AGAP1: variants seen among roughly 807,000 people sequenced by gnomAD.
The protein encoded by AGAP1 is arf-GAP with GTPase, ANK repeat and PH domain-containing protein 1.
In AGAP1, 29 loss-of-function variants were observed where a neutral mutation model predicts 105.3. The observed-to-expected ratio is 0.28, with a 90% confidence interval of 0.21 to 0.38. The LOEUF (loss-of-function observed/expected upper bound fraction) is 0.38, where lower values mean the gene tolerates loss of function less well. AGAP1 is among the 10% of genes least tolerant of loss of function. AGAP1 has a pLI of 1.00. For missense variants in AGAP1, 998 were observed against 1,165.1 expected, an observed-to-expected ratio of 0.86 and a Z score of 2.09; for synonymous variants, 509 against 485.9, an observed-to-expected ratio of 1.05 and a Z score of -0.63.
intron 1 of AGAP1, among the ~76,000 whole-genome samples, chr2:235,590,513 C>T (rs977238716): frequency 8.6e-5 from 13 of 152,010 alleles, no homozygotes; most frequent in African/African-American, 3.1e-4. Context: ...CGTGACCATG[C>T]CCAGAGACAG....
intron 1 of AGAP1, among the ~76,000 whole-genome samples, chr2:235,638,814 G>GC (rs1312254798): frequency 3.3e-5 from 5 of 152,230 alleles, no homozygotes; most frequent in Admixed American, 3.3e-4. Context: ...GCTGGCGTGG[G>GC]CCTCAGGGGT....
rs1487262949 is a variant in AGAP1 at position 235,906,405 on chromosome 2, A to G, written c.1156-2333A>G. On this transcript the variant is annotated intron_variant, in intron 10 of 17. Transcript: ENST00000304032. This position sits in a 1 kb window ranked among gnomAD's most constrained non-coding sequence, Gnocchi z 5.3. ...CTGGTGTTTTGAGCTTTCTGTCTGC[A>G]CCAAGACTTCCGTCCTCAGGGGTCA... is the stretch of plus-strand genomic sequence containing the variant. 1.3e-5 allele frequency among the ~76,000 whole-genome samples: 2 copies of G among 152,102 alleles called. No individual in the cohort carries two copies. The highest frequency in any genetic ancestry group is 2.9e-5 in the Non-Finnish European group (2 of 68,022).
chr2:236,107,287 G>A (rs1167890180), intron 16 of AGAP1, among the ~76,000 whole-genome samples: 3 of 152,170 alleles, frequency 2.0e-5, no homozygotes, highest in Non-Finnish European at 2.9e-5. Context: ...CCTCTGTGCT[G>A]GGTGCTTCCT....
Position 236,040,798 on chromosome 2 carries a change from G to C in AGAP1, c.1848G>C (p.Arg616=). 1 of 1,614,078 alleles carries C rather than the reference G, an allele frequency of 6.2e-7. No individual in the cohort carries two copies. The highest frequency in any genetic ancestry group is 8.5e-7 in the Non-Finnish European group (1 of 1,180,032). ...QSEAMALQSI[R]NMRGNSHCVD... ...AGGCCATGGCCCTGCAGTCGATCCG[G>C]AACATGCGCGGGAACTCCCACTGTG... is the stretch of plus-strand genomic sequence containing the variant. The change falls in exon 15 of 18, where the codon CGG becomes CGC. Residue 616 remains arginine, a synonymous_variant. Transcript: ENST00000304032. The surrounding 1 kb of genome is among the most constrained non-coding windows in gnomAD (Gnocchi z 5.6).
chr2:235,683,492 TTAA>T (rs1277875992), intron 1 of AGAP1, among the ~76,000 whole-genome samples: 2 of 150,226 alleles, frequency 1.3e-5, no homozygotes, highest in African/African-American at 4.9e-5. Context: ...ATATTTAATA[TTAA>T]TAAATTATAC....
chr2:236,013,675 T>C (rs552908080), intron 13 of AGAP1, among the ~76,000 whole-genome samples: 1 of 152,300 alleles, frequency 6.6e-6, no homozygotes, highest in Admixed American at 6.5e-5. Flanking sequence ...TCTTCCTGCC[T>C]GTGGCAGTTG....
rs926811999 is a variant in AGAP1, at chr2:236,092,241, C to T, written c.2115-27951C>T. Among the ~76,000 whole-genome samples, 4 of 152,140 alleles carry T rather than the reference C, an allele frequency of 2.6e-5. No homozygotes were observed. The highest frequency in any genetic ancestry group is 2.9e-5 in the Non-Finnish European group (2 of 68,030). ...TCCATGGACACATAAATACAAATGA[C>T]CACAAGGAAAATCGGAAATGTGGAC... is the stretch of plus-strand genomic sequence containing the variant. On this transcript the variant is annotated intron_variant, in intron 16 of 17. Coordinates refer to ENST00000304032, the MANE Select transcript of AGAP1 (RefSeq NM_001037131.3). This position sits in a 1 kb window ranked among gnomAD's most constrained non-coding sequence, Gnocchi z 4.7.
chr2:236,059,387 C>G (rs1275930769), intron 16 of AGAP1, among the ~76,000 whole-genome samples: 1 of 152,176 alleles, frequency 6.6e-6, no homozygotes, highest in Admixed American at 6.5e-5. Context: ...CAGTACTCTT[C>G]AAATCGATGT....
At chr2:235,694,637 G>C (rs1559360932) in intron 1 of AGAP1, among the ~76,000 whole-genome samples, 2 of 151,608 alleles carry the variant, frequency 1.3e-5, no homozygotes, top group Non-Finnish European at 2.9e-5. Flanking sequence ...AATAGAACGA[G>C]ACTCCGCCTC....
chr2:235,626,287 G>A (rs759105769), intron 1 of AGAP1, among the ~76,000 whole-genome samples: 2 of 152,188 alleles, frequency 1.3e-5, no homozygotes, highest in African/African-American at 2.4e-5. Flanking sequence ...GAACCCGAGA[G>A]GCAGAGGTTG....
chr2:236,090,856 C>A lies in AGAP1; in HGVS notation c.2115-29336C>A, dbSNP rs1369908750. Among the ~76,000 whole-genome samples the A allele has an allele frequency of 6.6e-6, 1 of 152,236 alleles. No homozygotes were observed. Among genetic ancestry groups the A allele is most frequent in the Non-Finnish European group, 1.5e-5 (1 of 68,048 alleles). On this transcript the variant is annotated intron_variant, in intron 16 of 17. Transcript: ENST00000304032. The surrounding 1 kb of genome is among the most constrained non-coding windows in gnomAD (Gnocchi z 4.3). ...CCAGGTTCAAGCGATTCTCATGCCTCAGCCTCCTGAGTAGCTGGGATTACA... is the reference window on the plus strand; with the variant it reads ...CCAGGTTCAAGCGATTCTCATGCCTAAGCCTCCTGAGTAGCTGGGATTACA...
Position 235,799,484 on chromosome 2 carries a change from G to A in AGAP1, c.919G>A (p.Val307Ile), listed in dbSNP as rs767939918. The change falls in exon 8 of 18, where the codon GTT becomes ATT. Residue 307 changes from valine (V) to isoleucine (I), a missense_variant. Physicochemically the swap from Val to Ile is conservative, Grantham distance 29. Around this residue, in one of 3 missense-constraint regions of AGAP1, gnomAD observed 735 missense variants for 833.4 expected, o/e 0.88. Coordinates refer to ENST00000304032, the MANE Select transcript of AGAP1 (RefSeq NM_001037131.3). The surrounding 1 kb of genome is among the most constrained non-coding windows in gnomAD (Gnocchi z 5.0). ...TCCCACTGCCAACACGCCCACGCCC[G>A]TTCGCAAGCAGTCTAAGCGCCGGTC... ...VPPTANTPTP[V>I]RKQSKRRSNL... 1.7e-5 allele frequency: 28 copies of A among 1,614,066 alleles called. No individual in the cohort carries two copies. The highest frequency in any genetic ancestry group is 4.4e-5 in the South Asian group (4 of 91,074).
chr2:235,923,991 C>T (rs1204252432), intron 11 of AGAP1, among the ~76,000 whole-genome samples: 2 of 152,038 alleles, frequency 1.3e-5, no homozygotes, highest in African/African-American at 4.8e-5. Flanking sequence ...AGGAAACCCC[C>T]GTGTTTAATA....
rs1021615634 is a variant in AGAP1, at chr2:235,621,438, C to T, written c.164-87741C>T. On this transcript the variant is annotated intron_variant, in intron 1 of 17. Transcript: ENST00000304032. The surrounding 1 kb of genome is among the most constrained non-coding windows in gnomAD (Gnocchi z 4.1). Reference sequence around the variant, plus strand: ...TACGTGAAGTAAGCTTAGACACGGCCGAATGAGCCAGAGCCTCTGCTGCTG... The same window carrying T: ...TACGTGAAGTAAGCTTAGACACGGCTGAATGAGCCAGAGCCTCTGCTGCTG... 1.4e-4 allele frequency among the ~76,000 whole-genome samples: 22 copies of T among 152,292 alleles called. No individual in the cohort carries two copies. The South Asian group carries it at 2.7e-3, about 19-fold the overall frequency.
rs1559711446 is a variant in AGAP1, at chr2:235,971,751, TTATTTA to T, written c.1645+3130_1645+3135del. Reference sequence around the variant, plus strand: ...GTTATATATGTTTTATTTTATTTATTTATTTATTTATTTATTTATTTATTTATTTAT... The same window carrying T: ...GTTATATATGTTTTATTTTATTTATTTTTATTTATTTATTTATTTATTTAT... On this transcript the variant is annotated intron_variant, in intron 13 of 17. Transcript: ENST00000304032. The surrounding 1 kb of genome is among the most constrained non-coding windows in gnomAD (Gnocchi z 4.8). Among the ~76,000 whole-genome samples, 896 of 144,786 alleles carry T rather than the reference TTATTTA, an allele frequency of 6.2e-3. 10 individuals carry two copies. Among genetic ancestry groups the T allele is most frequent in the African/African-American group, 0.021 (849 of 39,684 alleles). 95.0% of individuals were successfully genotyped at this position (144,786 alleles called of 152,430 possible).
intron 2 of AGAP1, among the ~76,000 whole-genome samples, chr2:235,710,798 A>G (rs939566877): frequency 4.6e-5 from 7 of 152,082 alleles, no homozygotes; most frequent in Non-Finnish European, 8.8e-5. Context: ...CTGTTAAGAC[A>G]GCCGCTGCCA....
intron 6 of AGAP1, among the ~76,000 whole-genome samples, chr2:235,790,168 G>A (rs947058924): frequency 2.0e-5 from 3 of 152,054 alleles, no homozygotes; most frequent in Admixed American, 6.6e-5. Context: ...TTGTGGGGTC[G>A]CCGTGCTTAT....
At position 235,807,232 on chromosome 2, in the gene AGAP1, T is replaced by C; in HGVS notation, c.958-7T>C. 6.2e-7 allele frequency: 1 copy of C among 1,609,966 alleles called. No homozygotes were observed. Among genetic ancestry groups the C allele is most frequent in the Non-Finnish European group, 8.5e-7 (1 of 1,178,918 alleles). On this transcript the variant is annotated splice_polypyrimidine_tract_variant and splice_region_variant and intron_variant, in intron 8 of 17. Transcript: ENST00000304032. The stretch of plus-strand genomic sequence containing the variant: ...ACCCAGATGCCAACTTTCCTTTTGC[T>C]TTGCAGTCTCGGAAAGGGAGCGACC...
At chr2:235,674,182 G>A (rs921001213) in intron 1 of AGAP1, among the ~76,000 whole-genome samples, 3 of 152,136 alleles carry the variant, frequency 2.0e-5, no homozygotes, top group East Asian at 3.9e-4. Context: ...CAGTTGCCTC[G>A]GTGAGTTCAG....
Sources: gnomAD v4.1 joint callset for allele counts (sites outside exome capture counted in the v4.1 genomes callset) on GRCh38, gnomAD v4.1.1 for gene constraint, gnomAD v4.1.1 regional missense constraint, Gnocchi (gnomAD v3.1) non-coding constraint, MANE v1.5 for transcripts, NCBI Gene and HGNC (gene_info 2026-07-23, HGNC 2026-07-21) for gene names.